The following MIS18A variants were observed in gnomAD, a reference collection of about 807,000 sequenced individuals.
MIS18A encodes the protein protein Mis18-alpha.
A neutral mutation model predicts 25.0 loss-of-function variants in MIS18A; 14 were observed. The observed-to-expected ratio is 0.56, with a 90% CI of 0.37 to 0.88. The LOEUF (loss-of-function observed/expected upper bound fraction) is 0.88, where lower values mean the gene tolerates loss of function less well. Among genes scored for constraint, MIS18A ranks in the 40% least tolerant of loss-of-function variants. The pLI is 0.00. For synonymous variants in MIS18A, 134 were observed against 118.6 expected (o/e 1.13, Z -0.84); for missense variants, 292 against 290.8 (o/e 1.00, Z -0.03).
the MIS18A span, among the ~76,000 whole-genome samples, chr21:32,221,554 A>G: frequency 7.4e-4 from 113 of 152,176 alleles, no homozygotes; most frequent in African/African-American, 2.6e-3. Context: ...CATCAACACT[A>G]TGAAGAAACT....
chr21:32,223,995 T>A, the MIS18A span, among the ~76,000 whole-genome samples: 1 of 152,186 alleles, frequency 6.6e-6, no homozygotes, highest in African/African-American at 2.4e-5. Context: ...ATAAATGTAA[T>A]CCATCACATA....
the MIS18A span, among the ~76,000 whole-genome samples, chr21:32,157,782 CTT>C: frequency 6.6e-6 from 1 of 151,944 alleles, no homozygotes; most frequent in South Asian, 2.1e-4. Flanking sequence ...CAAAAAGAAA[CTT>C]AGATTTTTTT....
chr21:32,162,379 A>G, the MIS18A span, among the ~76,000 whole-genome samples: 1 of 152,244 alleles, frequency 6.6e-6, no homozygotes. Flanking sequence ...GATCTTTGTA[A>G]GTGCTCTTGT....
At chr21:32,274,946 A>G in intron 1 of MIS18A, 50 bp from the exon 2 acceptor site, 1 of 1,440,084 alleles carries the variant, frequency 6.9e-7, no homozygotes, top group Non-Finnish European at 9.7e-7. Flanking sequence ...TCGTTATAAC[A>G]TACCTGCAGA....
the MIS18A span, among the ~76,000 whole-genome samples, chr21:32,220,731 G>A: frequency 6.6e-6 from 1 of 152,000 alleles, no homozygotes; most frequent in Non-Finnish European, 1.5e-5. Context: ...TAAGAACCTT[G>A]ATAAAAGGTT....
chr21:32,202,751 A>T, the MIS18A span, among the ~76,000 whole-genome samples: 1 of 152,370 alleles, frequency 6.6e-6, no homozygotes, highest in African/African-American at 2.4e-5. Context: ...TGACACACTT[A>T]TATCACTTAG....
the MIS18A span, among the ~76,000 whole-genome samples, chr21:32,256,329 AC>A: frequency 1.3e-5 from 2 of 151,994 alleles, no homozygotes; most frequent in Non-Finnish European, 2.9e-5. Context: ...TGCTGTTCAA[AC>A]CTGTCCACAT....
At chr21:32,195,609 G>A in the MIS18A span, among the ~76,000 whole-genome samples, 7 of 152,154 alleles carry the variant, frequency 4.6e-5, no homozygotes, top group African/African-American at 1.2e-4. Flanking sequence ...ATTTCTTAAC[G>A]TAGATCCTCT....
chr21:32,192,011 G>A, the MIS18A span, among the ~76,000 whole-genome samples: 1 of 152,146 alleles, frequency 6.6e-6, no homozygotes, highest in African/African-American at 2.4e-5. Flanking sequence ...TCAAACAAAG[G>A]TGACACAAAT....
the MIS18A span, among the ~76,000 whole-genome samples, chr21:32,177,410 T>C: frequency 1.3e-5 from 2 of 152,140 alleles, no homozygotes; most frequent in Non-Finnish European, 2.9e-5. Context: ...CAAGAATCCC[T>C]GCTTTCACTG....
At chr21:32,231,219 C>A in the MIS18A span, among the ~76,000 whole-genome samples, 8,990 of 144,798 alleles carry the variant, frequency 0.062, 917 homozygotes, top group African/African-American at 0.21. Flanking sequence ...CTAGGCGACA[C>A]AGCGAGACCC....
the MIS18A span, chr21:32,260,684 C>G: frequency 6.6e-6 from 1 of 152,328 alleles, no homozygotes; most frequent in Non-Finnish European, 1.5e-5. Flanking sequence ...AGGATGAAAG[C>G]AAACTTGTTT....
the MIS18A span, among the ~76,000 whole-genome samples, chr21:32,232,274 C>T: frequency 6.6e-6 from 1 of 151,424 alleles, no homozygotes; most frequent in Non-Finnish European, 1.5e-5. Context: ...TATGTGCATA[C>T]CACAATTTCT....
the MIS18A span, among the ~76,000 whole-genome samples, chr21:32,161,211 T>G: frequency 6.6e-6 from 1 of 152,354 alleles, no homozygotes; most frequent in South Asian, 2.1e-4. Flanking sequence ...ATATCCTCTC[T>G]TCTTCAAGAA....
At chr21:32,169,491 G>A in the MIS18A span, among the ~76,000 whole-genome samples, 2 of 152,148 alleles carry the variant, frequency 1.3e-5, no homozygotes, top group Non-Finnish European at 2.9e-5. Context: ...TGGAAAACGA[G>A]ATGTCCATAG....
At chr21:32,203,066 A>C in the MIS18A span, among the ~76,000 whole-genome samples, 1 of 152,126 alleles carries the variant, frequency 6.6e-6, no homozygotes, top group Non-Finnish European at 1.5e-5. Context: ...TGTTTTCTTA[A>C]AAATTTGTAA....
chr21:32,266,877 C>T (rs779318452), downstream of MIS18A, among the ~76,000 whole-genome samples: 20 of 152,152 alleles, frequency 1.3e-4, no homozygotes, highest in Admixed American at 5.9e-4. Context: ...TTACCAGAAA[C>T]GACCACACAC....
intron 4 of MIS18A, 48 bp downstream of exon 4, chr21:32,269,659 C>A: frequency 8.4e-7 from 1 of 1,190,716 alleles, no homozygotes; most frequent in Non-Finnish European, 1.2e-6. Flanking sequence ...CACTTCTTCA[C>A]TGACAAACTG....
chr21:32,249,792 G>A, the MIS18A span, among the ~76,000 whole-genome samples: 7 of 152,284 alleles, frequency 4.6e-5, no homozygotes, highest in Middle Eastern at 3.4e-3. Flanking sequence ...GTATCATGGG[G>A]AGGGCACCGA....
Sources: gnomAD v4.1 joint callset for allele counts (sites outside exome capture counted in the v4.1 genomes callset) on GRCh38, gnomAD v4.1.1 for gene constraint, MANE v1.5 for transcripts, NCBI Gene and HGNC (gene_info 2026-07-23, HGNC 2026-07-21) for gene names.